TMPRSS13: variants seen among roughly 807,000 people sequenced by gnomAD.
TMPRSS13 encodes transmembrane serine protease 13.
In TMPRSS13, 50 loss-of-function variants were observed where a neutral mutation model predicts 68.4. That is an observed-to-expected ratio of 0.73 (90% CI 0.58 to 0.93). TMPRSS13 has a LOEUF of 0.93. TMPRSS13 is among the 40% of genes least tolerant of loss of function. TMPRSS13 has a pLI of 0.00. For synonymous variants in TMPRSS13, 267 were observed against 285.8 expected (o/e 0.93, Z 0.66); for missense variants, 615 against 729.2 (o/e 0.84, Z 1.80).
chr11:117,908,546 A>G lies in TMPRSS13; in HGVS notation c.1282+66T>C, dbSNP rs749413178. ...GGATATGAGTTGACAGATGCTGACA[A>G]GTGCGAGGGCTGCAGAGGGTGCTGG... is the stretch of plus-strand genomic sequence containing the variant. On this transcript the variant is annotated intron_variant, in intron 9 of 12. Coordinates refer to ENST00000524993, the MANE Select transcript of TMPRSS13 (RefSeq NM_001077263.3). 82 of 1,520,576 alleles carry G rather than the reference A, an allele frequency of 5.4e-5. 2 individuals carry two copies. The African/African-American group carries it at 1.1e-3, about 20-fold the overall frequency. The allele number at this position is 1,520,576 out of a possible 1,614,324, so 94.2% of individuals were successfully genotyped here. A position where few individuals can be genotyped will look rare whatever the true frequency, so the allele number is the denominator to read the frequency against.
In TMPRSS13 at chr11:117,918,786, G is replaced by A. The variant is rs1263176260; in HGVS notation, c.74C>T (p.Ser25Phe). The change falls in exon 2 of 13, where the codon TCT becomes TTT. Residue 25 changes from serine to phenylalanine, a missense_variant. Transcript: ENST00000524993. ...PSAGASPAQA[S>F]PAGTPPGRAS... is the part of the protein sequence containing the mutation. The stretch of plus-strand genomic sequence containing the variant: ...CCGGCCTGGAGGTGTCCCAGCTGGA[G>A]ATGCCTGGGCTGGAGATGCTCCAGC... 6.2e-7 allele frequency: 1 copy of A among 1,613,830 alleles called. No individual in the cohort carries two copies. Among genetic ancestry groups the A allele is most frequent in the Non-Finnish European group, 8.5e-7 (1 of 1,179,804 alleles).
At chr11:117,926,747 C>A (rs891162729) in intron 1 of TMPRSS13, among the ~76,000 whole-genome samples, 1 of 152,144 alleles carries the variant, frequency 6.6e-6, no homozygotes, top group African/African-American at 2.4e-5. Flanking sequence ...GGAATGTGTC[C>A]AACCCTCTTC....
Position 117,918,709 on chromosome 11 carries a change from G to T in TMPRSS13, c.151C>A (p.Pro51Thr). The T allele has an allele frequency of 1.9e-6, 3 of 1,603,828 alleles. No homozygotes were observed. The highest frequency in any genetic ancestry group is 2.6e-6 in the Non-Finnish European group (3 of 1,175,250). The change falls in exon 2 of 13, where the codon CCG becomes ACG. Residue 51 changes from proline (P) to threonine (T), a missense_variant. Physicochemically the swap from Pro to Thr is conservative, Grantham distance 38 (BLOSUM62 -1). Transcript: ENST00000524993. ...GCCTGGGCTGGAGATGCCCGGCCCG[G>T]AGGTGTCCCAGCTGGAGATGCCTGG... ...PAQASPAGTP[P>T]GRASPAQASP...
At chr11:117,906,507 G>C (rs147370164) in intron 9 of TMPRSS13, among the ~76,000 whole-genome samples, 79 of 152,296 alleles carry the variant, frequency 5.2e-4, no homozygotes, top group African/African-American at 1.9e-3. Context: ...CTGCACCTAA[G>C]ATAATGCCTG....
At chr11:117,903,288 T>A (rs1377636677) in intron 12 of TMPRSS13, 1 of 1,283,204 alleles carries the variant, frequency 7.8e-7, no homozygotes, top group East Asian at 2.5e-5. Context: ...CGGATTCCCA[T>A]GCATAAATGC....
At position 117,904,239 on chromosome 11, in the gene TMPRSS13, C is replaced by G. The variant is rs997551806; in HGVS notation, c.1382-138G>C. 3.7e-5 allele frequency: 46 copies of G among 1,234,950 alleles called. No individual in the cohort carries two copies. In the African/African-American group the frequency reaches 6.8e-4, roughly 18 times the overall value. 76.5% of individuals were successfully genotyped at this position (1,234,950 alleles called of 1,614,324 possible). On this transcript the variant is annotated intron_variant, in intron 10 of 12. Coordinates refer to ENST00000524993, the MANE Select transcript of TMPRSS13 (RefSeq NM_001077263.3). ...TGGAGGGTGCCATGCCCGTGCCTGGCTCCCACCCAAGGGAGGCCCTCTGTG... is the reference window on the plus strand; with the variant it reads ...TGGAGGGTGCCATGCCCGTGCCTGGGTCCCACCCAAGGGAGGCCCTCTGTG...
rs373288374 is a variant in TMPRSS13 at position 117,903,851 on chromosome 11, C to T, written c.1525-44G>A. ...ACATTCGCAGGATGGGACAGGTGGT[C>T]CATGAGCGGGAAAGGGTGGGGTCCC... On this transcript the variant is annotated intron_variant, in intron 11 of 12. Transcript: ENST00000524993. 2.2e-4 allele frequency: 345 copies of T among 1,601,422 alleles called. No homozygotes were observed. In the African/African-American group the frequency reaches 3.4e-3, roughly 16 times the overall value.
In TMPRSS13 at chr11:117,914,019, G is replaced by A; in HGVS notation, c.680-113C>T. 7.8e-7 allele frequency: 1 copy of A among 1,290,178 alleles called. No individual in the cohort carries two copies. Among genetic ancestry groups the A allele is most frequent in the Non-Finnish European group, 1.1e-6 (1 of 939,262 alleles). The allele number at this position is 1,290,178 out of a possible 1,614,324, so 79.9% of individuals were successfully genotyped here. On this transcript the variant is annotated intron_variant, in intron 4 of 12. Coordinates refer to ENST00000524993, the MANE Select transcript of TMPRSS13 (RefSeq NM_001077263.3). The surrounding 1 kb of genome is among the most constrained non-coding windows in gnomAD (Gnocchi z 4.2). Reference sequence around the variant, plus strand: ...AGCGCTTGTCCTGACAGCACTCCTTGCTGAGGCCTGGGAAAAGTCCAGGAA... The same window carrying A: ...AGCGCTTGTCCTGACAGCACTCCTTACTGAGGCCTGGGAAAAGTCCAGGAA...
chr11:117,914,707 G>A lies in TMPRSS13; in HGVS notation c.557-193C>T. On this transcript the variant is annotated intron_variant, in intron 3 of 12. Coordinates refer to ENST00000524993, the MANE Select transcript of TMPRSS13 (RefSeq NM_001077263.3). This position sits in a 1 kb window ranked among gnomAD's most constrained non-coding sequence, Gnocchi z 4.2. ...AGAATGCTCCAGAAAGCTCCTGCAA[G>A]CAGGGCAGCACCAGGCAGATTCAAG... Among the ~76,000 whole-genome samples the A allele has an allele frequency of 6.6e-6, 1 of 152,146 alleles. No homozygotes were observed. Among genetic ancestry groups the A allele is most frequent in the East Asian group, 1.9e-4 (1 of 5,184 alleles).
intron 5 of TMPRSS13, among the ~76,000 whole-genome samples, chr11:117,912,716 A>T (rs1165184457): frequency 6.6e-6 from 1 of 152,058 alleles, no homozygotes; most frequent in South Asian, 2.1e-4. Flanking sequence ...CCACATCCTC[A>T]TCATTACATG....
intron 12 of TMPRSS13, chr11:117,903,446 T>A (rs1188014872): frequency 1.3e-6 from 2 of 1,536,834 alleles, no homozygotes; most frequent in Non-Finnish European, 1.7e-6. Flanking sequence ...TTCAACCCGC[T>A]GAGCTCTGTT....
At chr11:117,911,690 G>A in intron 6 of TMPRSS13, 78 bp downstream of exon 6, 2 of 1,167,082 alleles carry the variant, frequency 1.7e-6, no homozygotes, top group Non-Finnish European at 2.5e-6. Flanking sequence ...CAGTGAAGGG[G>A]GCTCCCTGAC....
rs765591673 is a variant in TMPRSS13 at position 117,911,859 on chromosome 11, C to A, written c.811G>T (p.Ala271Ser). The A allele has an allele frequency of 6.2e-7, 1 of 1,613,578 alleles. No homozygotes were observed. The highest frequency in any genetic ancestry group is 8.5e-7 in the Non-Finnish European group (1 of 1,179,674). The change falls in exon 6 of 13, where the codon GCT becomes TCT. Residue 271 changes from alanine to serine, a missense_variant and splice_region_variant. Transcript: ENST00000524993. The stretch of plus-strand genomic sequence containing the variant: ...TGGGCAACCTCGGTTGTCCGGTGAG[C>A]ACTACAAGGGAGCAGAGGGGAGAAG... ...KTCQQLGFES[A>S]HRTTEVAHRD...
At chr11:117,905,034 A>G (rs2057450141) in intron 10 of TMPRSS13, among the ~76,000 whole-genome samples, 1 of 151,232 alleles carries the variant, frequency 6.6e-6, no homozygotes, top group South Asian at 2.1e-4. Flanking sequence ...AGCTGGGACT[A>G]CAGGCACACA....
chr11:117,927,446 C>T (rs748588416), intron 1 of TMPRSS13, among the ~76,000 whole-genome samples: 3 of 152,210 alleles, frequency 2.0e-5, no homozygotes, highest in East Asian at 1.9e-4. Context: ...CTGTCCACCA[C>T]GACATGCAAC....
chr11:117,907,770 C>T (rs892228029), intron 9 of TMPRSS13: 1 of 983,378 alleles, frequency 1.0e-6, no homozygotes, highest in Middle Eastern at 5.2e-4. Context: ...CCCTGCTCCC[C>T]GAAAACATCG....
rs1195638112 is a variant in TMPRSS13 at position 117,903,818 on chromosome 11, GA to G, written c.1525-12del. The G allele has an allele frequency of 1.9e-6, 3 of 1,609,088 alleles. No individual in the cohort carries two copies. Among genetic ancestry groups the G allele is most frequent in the East Asian group, 4.5e-5 (2 of 44,736 alleles). On this transcript the variant is annotated splice_polypyrimidine_tract_variant and intron_variant, in intron 11 of 12. Coordinates refer to ENST00000524993, the MANE Select transcript of TMPRSS13 (RefSeq NM_001077263.3). ...CCCCCCGCTGTCTCCCTGCAGGGGAGAGGGGGCACATTCGCAGGATGGGACA... is the reference window on the plus strand; with the variant it reads ...CCCCCCGCTGTCTCCCTGCAGGGGAGGGGGGCACATTCGCAGGATGGGACA...
Position 117,914,056 on chromosome 11 carries a change from T to C in TMPRSS13, c.680-150A>G. On this transcript the variant is annotated intron_variant, in intron 4 of 12. Transcript: ENST00000524993. The surrounding 1 kb of genome is among the most constrained non-coding windows in gnomAD (Gnocchi z 4.2). The stretch of plus-strand genomic sequence containing the variant: ...GAAAAGTCCAGGAACATGGCCTGGG[T>C]CATGGGGGTTAACCAGTACTCAGAA... 1 of 960,852 alleles carries C rather than the reference T, an allele frequency of 1.0e-6. No homozygotes were observed. The highest frequency in any genetic ancestry group is 1.5e-6 in the Non-Finnish European group (1 of 657,332). The allele number at this position is 960,852 out of a possible 1,614,324, so 59.5% of individuals were successfully genotyped here. A position where few individuals can be genotyped will look rare whatever the true frequency, so the allele number is the denominator to read the frequency against.
rs1351647368 is a variant in TMPRSS13, at chr11:117,905,679, G to T, written c.1340C>A (p.Thr447Asn). 1.2e-6 allele frequency: 2 copies of T among 1,606,242 alleles called. No homozygotes were observed. The highest frequency in any genetic ancestry group is 3.4e-5 in the Admixed American group (2 of 59,412). ...MHGQTFSLNE[T>N]CWITGFGKTR... The stretch of plus-strand genomic sequence containing the variant: ...CTTGCCAAAGCCTGTGATCCAGCAG[G>T]TCTCATTGAGGCTAAAGGTCTGTCC... The change falls in exon 10 of 13, where the codon ACC (threonine) becomes AAC (asparagine). Residue 447 changes from threonine (T) to asparagine (N), a missense_variant. By Grantham distance (65) the Thr-to-Asn change is moderately conservative. Coordinates refer to ENST00000524993, the MANE Select transcript of TMPRSS13 (RefSeq NM_001077263.3).
Sources: gnomAD v4.1 joint callset for allele counts (sites outside exome capture counted in the v4.1 genomes callset) on GRCh38, gnomAD v4.1.1 for gene constraint, Gnocchi (gnomAD v3.1) non-coding constraint, MANE v1.5 for transcripts, NCBI Gene and HGNC (gene_info 2026-07-23, HGNC 2026-07-21) for gene names.